The following FBXO36 variants were observed in gnomAD, a reference collection of about 807,000 sequenced individuals.
The protein encoded by FBXO36 is F-box only protein 36.
A neutral mutation model predicts 17.0 loss-of-function variants in FBXO36; 18 were observed. The ratio of observed to expected loss-of-function variants is 1.06; its 90% confidence interval spans 0.73 to 1.57. The LOEUF (loss-of-function observed/expected upper bound fraction) is 1.57. FBXO36 is among the 40% of genes most tolerant of loss of function. The pLI, the probability that FBXO36 is intolerant of heterozygous loss-of-function variation, is 0.00. For missense variants in FBXO36, 229 were observed against 221.9 expected, an observed-to-expected ratio of 1.03 and a Z score of -0.20; for synonymous variants, 83 against 85.3, an observed-to-expected ratio of 0.97 and a Z score of 0.15.
At position 229,993,363 on chromosome 2, in the gene FBXO36, G is replaced by C. The variant is rs2077307390; in HGVS notation, c.206-3388G>C. ...CTTCAAAAGAACTTGTCAGGACATGGCCGTTGGCTTCTCGCAGAGTGAGTG... is the reference window on the plus strand; with the variant it reads ...CTTCAAAAGAACTTGTCAGGACATGCCCGTTGGCTTCTCGCAGAGTGAGTG... On this transcript the variant is annotated intron_variant, in intron 2 of 3. Transcript: ENST00000283946. Among the ~76,000 whole-genome samples, 4 of 152,162 alleles carry C rather than the reference G, an allele frequency of 2.6e-5. No homozygotes were observed. In the South Asian group the frequency reaches 8.3e-4, roughly 32 times the overall value.
At chr2:229,979,402 A>G (rs2077226574) in intron 2 of FBXO36, among the ~76,000 whole-genome samples, 1 of 151,904 alleles carries the variant, frequency 6.6e-6, no homozygotes. Flanking sequence ...GTGTGTGTAT[A>G]TATATATATA....
intron 1 of FBXO36, among the ~76,000 whole-genome samples, chr2:229,924,521 T>C (rs1468143104): frequency 6.6e-6 from 1 of 152,264 alleles, no homozygotes; most frequent in Non-Finnish European, 1.5e-5. Context: ...TTTTAATTTT[T>C]ACAGCCTTTA....
chr2:229,967,314 C>A (rs986530099), intron 1 of FBXO36, among the ~76,000 whole-genome samples: 1 of 152,138 alleles, frequency 6.6e-6, no homozygotes, highest in Non-Finnish European at 1.5e-5. Flanking sequence ...ACAATCATGT[C>A]GTCTGCAAAC....
At chr2:229,956,544 G>A (rs534329436) in intron 1 of FBXO36, among the ~76,000 whole-genome samples, 7 of 152,294 alleles carry the variant, frequency 4.6e-5, no homozygotes, top group Admixed American at 3.9e-4. Context: ...ATTTGAGGGA[G>A]AGAAAGAATG....
chr2:229,934,778 C>T (rs2076955934), intron 1 of FBXO36, among the ~76,000 whole-genome samples: 1 of 152,100 alleles, frequency 6.6e-6, no homozygotes, highest in South Asian at 2.1e-4. Context: ...CCTCAGTCTC[C>T]CAAGTAGCTG....
chr2:229,959,056 T>A (rs1174967850), intron 1 of FBXO36, among the ~76,000 whole-genome samples: 2 of 152,204 alleles, frequency 1.3e-5, no homozygotes, highest in East Asian at 3.8e-4. Context: ...CTTCACACTG[T>A]AGAACACAGT....
intron 1 of FBXO36, among the ~76,000 whole-genome samples, chr2:229,933,553 G>A (rs754909219): frequency 7.2e-5 from 11 of 152,162 alleles, no homozygotes; most frequent in Non-Finnish European, 1.3e-4. Flanking sequence ...CTCCAGGCCA[G>A]TATTTCTCAA....
intron 1 of FBXO36, among the ~76,000 whole-genome samples, chr2:229,938,483 CT>C (rs111952762): frequency 0.014 from 1,356 of 93,936 alleles, 15 homozygotes; most frequent in African/African-American, 0.043. Flanking sequence ...ATACAACTTT[CT>C]TTTTTTTTTT....
chr2:229,972,017 T>C, intron 1 of FBXO36, among the ~76,000 whole-genome samples: 1 of 130,938 alleles, frequency 7.6e-6, no homozygotes, highest in East Asian at 2.2e-4. Flanking sequence ...TTTTTTGAGA[T>C]GAAGTCTTGC....
At chr2:229,968,947 T>A (rs767636864) in intron 1 of FBXO36, among the ~76,000 whole-genome samples, 14 of 151,922 alleles carry the variant, frequency 9.2e-5, no homozygotes, top group Non-Finnish European at 1.6e-4. Flanking sequence ...CTAATTTTTG[T>A]GTTTTTAGTA....
intron 1 of FBXO36, among the ~76,000 whole-genome samples, chr2:229,938,483 CTTT>C (rs111952762): frequency 2.1e-5 from 2 of 93,972 alleles, no homozygotes; most frequent in Admixed American, 1.2e-4. Context: ...ATACAACTTT[CTTT>C]TTTTTTTTTT....
chr2:229,964,738 C>G (rs2077141964), intron 1 of FBXO36, among the ~76,000 whole-genome samples: 1 of 152,210 alleles, frequency 6.6e-6, no homozygotes, highest in Non-Finnish European at 1.5e-5. Context: ...CCAGGCTGGT[C>G]TCGAACTCCT....
intron 3 of FBXO36, among the ~76,000 whole-genome samples, chr2:229,999,497 A>ATG (rs764099021): frequency 1.7e-3 from 239 of 143,440 alleles, no homozygotes; most frequent in African/African-American, 3.3e-3. Context: ...GTATATATAT[A>ATG]TGTATATATA....
At chr2:229,997,058 A>C in intron 3 of FBXO36, 135 bp downstream of exon 3, 1 of 763,254 alleles carries the variant, frequency 1.3e-6, no homozygotes, top group Non-Finnish European at 2.1e-6. Flanking sequence ...GCAGAGATGA[A>C]ATGACATTCC....
intron 1 of FBXO36, among the ~76,000 whole-genome samples, chr2:229,962,150 T>G (rs2077124691): frequency 6.6e-6 from 1 of 151,596 alleles, no homozygotes; most frequent in Non-Finnish European, 1.5e-5. Flanking sequence ...GCCACTGCAG[T>G]CCAGCCTGGG....
chr2:230,005,398 G>C (rs2077381933), intron 3 of FBXO36, among the ~76,000 whole-genome samples: 2 of 152,172 alleles, frequency 1.3e-5, no homozygotes, highest in Non-Finnish European at 2.9e-5. Flanking sequence ...ACCACACACA[G>C]TGAAGATAAT....
At chr2:229,960,439 A>G (rs909670953) in intron 1 of FBXO36, among the ~76,000 whole-genome samples, 1 of 151,888 alleles carries the variant, frequency 6.6e-6, no homozygotes, top group African/African-American at 2.4e-5. Flanking sequence ...TTGGCTTCCC[A>G]AAGTGCTGGG....
At chr2:230,004,719 A>G (rs2077377858) in intron 3 of FBXO36, among the ~76,000 whole-genome samples, 1 of 152,114 alleles carries the variant, frequency 6.6e-6, no homozygotes, top group African/African-American at 2.4e-5. Context: ...TTAAAATATC[A>G]GTACTGGCCA....
At chr2:229,980,796 C>A (rs1019474740) in intron 2 of FBXO36, among the ~76,000 whole-genome samples, 5 of 152,110 alleles carry the variant, frequency 3.3e-5, no homozygotes, top group Non-Finnish European at 7.4e-5. Context: ...TCAGCCAAGG[C>A]ATGTACTAAC....
Sources: gnomAD v4.1 joint callset for allele counts (sites outside exome capture counted in the v4.1 genomes callset) on GRCh38, gnomAD v4.1.1 for gene constraint, MANE v1.5 for transcripts, NCBI Gene and HGNC (gene_info 2026-07-23, HGNC 2026-07-21) for gene names.